Variants in COP1 observed in about 807,000 individuals in gnomAD.
The protein encoded by COP1 is E3 ubiquitin-protein ligase COP1.
A neutral mutation model predicts 101.3 loss-of-function variants in COP1; 24 were observed. The ratio of observed to expected loss-of-function variants is 0.24; its 90% CI spans 0.17 to 0.33. The LOEUF (loss-of-function observed/expected upper bound fraction) is 0.33. Among genes scored for constraint, COP1 ranks in the 10% least tolerant of loss-of-function variants. The pLI, the probability that COP1 is intolerant of heterozygous loss-of-function variation, is 1.00. For missense variants in COP1, 663 were observed against 906.2 expected (o/e 0.73, Z 3.45); for synonymous variants, 347 against 341.9 (o/e 1.01, Z -0.17).
chr1:176,057,252 G>A (rs1673693354), intron 11 of COP1, among the ~76,000 whole-genome samples: 1 of 152,188 alleles, frequency 6.6e-6, no homozygotes, highest in African/African-American at 2.4e-5. Flanking sequence ...CTACATGAGT[G>A]ATATGCTTTG....
At chr1:176,058,050 TCCGCCCGGCAG>T (rs1024985477) in intron 11 of COP1, among the ~76,000 whole-genome samples, 22 of 110,356 alleles carry the variant, frequency 2.0e-4, no homozygotes, top group African/African-American at 5.9e-4. Context: ...GAGGAGGCCC[TCCGCCCGGCAG>T]CCGCCCCGGC....
At chr1:176,071,931 A>T (rs961964938) in intron 11 of COP1, among the ~76,000 whole-genome samples, 3 of 152,234 alleles carry the variant, frequency 2.0e-5, no homozygotes, top group African/African-American at 7.2e-5. Context: ...GGGAAAATAA[A>T]CAGGAAAACC....
intron 9 of COP1, among the ~76,000 whole-genome samples, chr1:176,099,590 T>C (rs1035667976): frequency 6.6e-6 from 1 of 152,072 alleles, no homozygotes; most frequent in Non-Finnish European, 1.5e-5. Flanking sequence ...TCTTAACTTA[T>C]GGCAATATAG....
At chr1:176,164,318 A>G (rs1392705600) in intron 3 of COP1, among the ~76,000 whole-genome samples, 4 of 152,318 alleles carry the variant, frequency 2.6e-5, no homozygotes, top group South Asian at 4.1e-4. Flanking sequence ...CATGGAAGAC[A>G]CTTTTAGCTA....
chr1:176,179,461 G>C (rs1330172416), intron 2 of COP1, among the ~76,000 whole-genome samples: 2 of 152,200 alleles, frequency 1.3e-5, no homozygotes, highest in Admixed American at 1.3e-4. Context: ...TAGGCTGGGT[G>C]CAGTGGCTCG....
chr1:176,159,660 C>T (rs1693994149), intron 5 of COP1, among the ~76,000 whole-genome samples: 1 of 152,040 alleles, frequency 6.6e-6, no homozygotes, highest in South Asian at 2.1e-4. Context: ...CAATATGAAC[C>T]TCAAAAAGTA....
intron 9 of COP1, among the ~76,000 whole-genome samples, 160 bp downstream of exon 9, chr1:176,116,464 T>C (rs1686202936): frequency 6.6e-6 from 1 of 152,258 alleles, no homozygotes; most frequent in South Asian, 2.1e-4. Context: ...TAATATTTGA[T>C]TCTACCATTA....
At chr1:176,115,752 A>T (rs1189744293) in intron 9 of COP1, among the ~76,000 whole-genome samples, 2 of 152,242 alleles carry the variant, frequency 1.3e-5, no homozygotes, top group East Asian at 3.9e-4. Flanking sequence ...CAAAAAAATA[A>T]AATAAAATAA....
At chr1:176,032,972 TATC>T (rs1201851189) in intron 14 of COP1, among the ~76,000 whole-genome samples, 1 of 152,214 alleles carries the variant, frequency 6.6e-6, no homozygotes, top group Non-Finnish European at 1.5e-5. Flanking sequence ...TAATAACTGT[TATC>T]ATAATGCTAT....
intron 5 of COP1, 112 bp from the exon 6 acceptor site, chr1:176,149,186 G>A (rs944003283): frequency 2.2e-5 from 11 of 494,628 alleles, no homozygotes; most frequent in African/African-American, 8.0e-5. Flanking sequence ...ATTTAAGTTC[G>A]TCTATTATTT....
intron 18 of COP1, among the ~76,000 whole-genome samples, chr1:175,973,700 T>C (rs1196316748): frequency 6.6e-6 from 1 of 152,206 alleles, no homozygotes; most frequent in African/African-American, 2.4e-5. Flanking sequence ...ACATAATTTC[T>C]ACAATGGAAA....
chr1:176,143,106 T>G (rs1690965992), intron 6 of COP1, among the ~76,000 whole-genome samples: 1 of 115,672 alleles, frequency 8.6e-6, no homozygotes, highest in African/African-American at 3.4e-5. Context: ...TGGCAAGAAT[T>G]GATCCAACAG....
At chr1:176,194,148 T>A (rs1699398118) in intron 1 of COP1, among the ~76,000 whole-genome samples, 1 of 150,940 alleles carries the variant, frequency 6.6e-6, no homozygotes, top group Non-Finnish European at 1.5e-5. Context: ...ATACACACAA[T>A]CATTAATAAG....
chr1:176,164,735 T>G (rs1694836893), intron 3 of COP1, among the ~76,000 whole-genome samples: 1 of 152,198 alleles, frequency 6.6e-6, no homozygotes, highest in Non-Finnish European at 1.5e-5. Context: ...GTTCTAGAAA[T>G]TCTTTTCCCG....
At chr1:176,002,654 A>T (rs1392530960) in intron 15 of COP1, among the ~76,000 whole-genome samples, 1 of 148,402 alleles carries the variant, frequency 6.7e-6, no homozygotes, top group African/African-American at 2.5e-5. Flanking sequence ...ATGATTTCCA[A>T]TTTCATCTAT....
chr1:176,135,363 G>T (rs919948845), intron 7 of COP1, among the ~76,000 whole-genome samples: 4 of 151,934 alleles, frequency 2.6e-5, no homozygotes, highest in African/African-American at 9.7e-5. Flanking sequence ...TGCAAAAAAA[G>T]ATAAATGTAA....
At chr1:176,095,190 A>G (rs542711212) in intron 9 of COP1, among the ~76,000 whole-genome samples, 4 of 152,258 alleles carry the variant, frequency 2.6e-5, no homozygotes, top group Non-Finnish European at 5.9e-5. Flanking sequence ...ACAAAATAAT[A>G]AAACAAATTA....
intron 19 of COP1, among the ~76,000 whole-genome samples, chr1:175,946,175 C>T (rs1649143723): frequency 6.6e-6 from 1 of 152,084 alleles, no homozygotes; most frequent in African/African-American, 2.4e-5. Flanking sequence ...TTGAGGCTTC[C>T]AGAACATAAC....
At position 176,013,316 on chromosome 1, in the gene COP1, T is replaced by G. The variant is rs181865309; in HGVS notation, c.1729+14256A>C. Among the ~76,000 whole-genome samples, 367 of 152,246 alleles carry G rather than the reference T, an allele frequency of 2.4e-3. 3 individuals are homozygous for G. The highest frequency in any genetic ancestry group is 8.5e-3 in the African/African-American group (353 of 41,556). ...AGAAAAGAAAATACGGTTCAGAAAT[T>G]TACTTAGCTAGGGGGAAAAACACAA... is the stretch of plus-strand genomic sequence containing the variant. On this transcript the variant is annotated intron_variant, in intron 15 of 19. Coordinates refer to ENST00000367669, the MANE Select transcript of COP1 (RefSeq NM_022457.7).
Sources: gnomAD v4.1 joint callset for allele counts (sites outside exome capture counted in the v4.1 genomes callset) on GRCh38, gnomAD v4.1.1 for gene constraint, MANE v1.5 for transcripts, NCBI Gene and HGNC (gene_info 2026-07-23, HGNC 2026-07-21) for gene names.